DIS3L2: variants seen among roughly 807,000 people sequenced by gnomAD.
DIS3L2 encodes the protein DIS3 like 3'-5' exoribonuclease 2.
A neutral mutation model predicts 97.5 loss-of-function variants in DIS3L2; 34 were observed. The ratio of observed to expected loss-of-function variants is 0.35; its 90% CI spans 0.27 to 0.46. DIS3L2 has a LOEUF of 0.46. DIS3L2 is among the 20% of genes least tolerant of loss of function. DIS3L2 has a pLI of 1.00. For synonymous variants in DIS3L2, 435 were observed against 445.2 expected (o/e 0.98, Z 0.29); for missense variants, 1,038 against 1,146.0 (o/e 0.91, Z 1.36).
At position 231,976,798 on chromosome 2, in the gene DIS3L2, C is replaced by T. The variant is rs539807417; in HGVS notation, c.-94+15033C>T. On this transcript the variant is annotated intron_variant, in intron 1 of 20. Transcript: ENST00000325385. ...TTTTTTTTTTTTTGAGACAGAGTCT[C>T]GCTCTGTTGCCCAGGCTGGAGTACA... Among the ~76,000 whole-genome samples, 11 of 136,596 alleles carry T rather than the reference C, an allele frequency of 8.1e-5. No homozygotes were observed. The East Asian group carries it at 8.7e-4, about 11-fold the overall frequency. 89.6% of individuals were successfully genotyped at this position (136,596 alleles called of 152,430 possible).
intron 5 of DIS3L2, among the ~76,000 whole-genome samples, chr2:232,045,585 A>G (rs1695217508): frequency 6.6e-6 from 1 of 151,314 alleles, no homozygotes; most frequent in African/African-American, 2.4e-5. Flanking sequence ...TGGGCCTACC[A>G]CTGTGTGAAG....
Position 231,989,759 on chromosome 2 carries a change from C to T in DIS3L2, c.-93-25076C>T, listed in dbSNP as rs181422136. On this transcript the variant is annotated intron_variant, in intron 1 of 20. Coordinates refer to ENST00000325385, the MANE Select transcript of DIS3L2 (RefSeq NM_152383.5). ...CTGAAGTGGGAGGATTACTTGAGCC[C>T]GGGAGGTTGAGGCTACAGTGAGCTG... Among the ~76,000 whole-genome samples, 35 of 152,166 alleles carry T rather than the reference C, an allele frequency of 2.3e-4. 1 individual carries two copies. In the East Asian group the frequency reaches 3.3e-3, roughly 14 times the overall value.
At chr2:232,338,757 G>T (rs1266899993), downstream of DIS3L2, among the ~76,000 whole-genome samples, 2 of 152,260 alleles carry the variant, frequency 1.3e-5, no homozygotes, top group African/African-American at 2.4e-5. Context: ...GCATTCACAG[G>T]ATGGCTCTCC....
At chr2:232,111,544 G>C (rs777896174) in intron 6 of DIS3L2, among the ~76,000 whole-genome samples, 3 of 152,118 alleles carry the variant, frequency 2.0e-5, no homozygotes, top group Non-Finnish European at 4.4e-5. Context: ...CTGTAGCAAT[G>C]GAAATGTTCT....
intron 13 of DIS3L2, among the ~76,000 whole-genome samples, chr2:232,297,083 G>A (rs1694742366): frequency 6.6e-6 from 1 of 152,140 alleles, no homozygotes; most frequent in African/African-American, 2.4e-5. Flanking sequence ...TCCAAGTCTT[G>A]TCTCTTAGCT....
At chr2:231,999,592 A>T (rs909895183) in intron 1 of DIS3L2, among the ~76,000 whole-genome samples, 1 of 152,086 alleles carries the variant, frequency 6.6e-6, no homozygotes, top group African/African-American at 2.4e-5. Flanking sequence ...GTATTTACTT[A>T]TTTGTTCCAT....
intron 6 of DIS3L2, among the ~76,000 whole-genome samples, chr2:232,113,701 C>A (rs192434993): frequency 5.6e-4 from 85 of 152,344 alleles, no homozygotes; most frequent in Middle Eastern, 3.4e-3. Flanking sequence ...CCTCTAACCT[C>A]CAAGCTATCC....
intron 13 of DIS3L2, among the ~76,000 whole-genome samples, chr2:232,289,266 A>C (rs1472116332): frequency 6.8e-6 from 1 of 146,632 alleles, no homozygotes; most frequent in Non-Finnish European, 1.5e-5. Context: ...TTTTTTGGAG[A>C]CTTGTCCAGG....
intron 5 of DIS3L2, among the ~76,000 whole-genome samples, chr2:232,035,573 G>T (rs936621761): frequency 1.3e-5 from 2 of 152,186 alleles, no homozygotes; most frequent in Non-Finnish European, 2.9e-5. Context: ...CCCATTAGTT[G>T]ATGCAGTTTC....
chr2:232,051,811 C>CAAAAAAAA (rs58851349), intron 5 of DIS3L2, among the ~76,000 whole-genome samples: 6 of 37,064 alleles, frequency 1.6e-4, no homozygotes, highest in Admixed American at 9.3e-4. Flanking sequence ...GACTCCGTCT[C>CAAAAAAAA]AAAAAAAAAA....
intron 6 of DIS3L2, among the ~76,000 whole-genome samples, chr2:232,097,787 T>A (rs1194299165): frequency 6.6e-6 from 1 of 152,186 alleles, no homozygotes; most frequent in African/African-American, 2.4e-5. Context: ...AAGTCTTCCT[T>A]TCTTTTTTCT....
chr2:231,964,867 T>G (rs1692668674), intron 1 of DIS3L2, among the ~76,000 whole-genome samples: 1 of 152,196 alleles, frequency 6.6e-6, no homozygotes, highest in Admixed American at 6.5e-5. Flanking sequence ...GGTGGAGAAA[T>G]CATTTCTGGA....
intron 1 of DIS3L2, among the ~76,000 whole-genome samples, chr2:231,991,827 G>A (rs568291878): frequency 1.3e-4 from 20 of 152,224 alleles, no homozygotes; most frequent in African/African-American, 4.6e-4. Flanking sequence ...AGTACACAGG[G>A]CATCTCTTTT....
intron 1 of DIS3L2, among the ~76,000 whole-genome samples, chr2:231,990,923 T>C (rs1396182756): frequency 6.6e-6 from 1 of 152,162 alleles, no homozygotes; most frequent in East Asian, 1.9e-4. Context: ...TATGAATTTA[T>C]AAGAGAATTT....
chr2:232,191,503 C>T (rs1464794042), intron 9 of DIS3L2, among the ~76,000 whole-genome samples: 1 of 152,170 alleles, frequency 6.6e-6, no homozygotes, highest in East Asian at 1.9e-4. Context: ...AGAAAGTAAT[C>T]CTTAAAAAAT....
At chr2:232,043,330 C>G (rs936279755) in intron 5 of DIS3L2, among the ~76,000 whole-genome samples, 3 of 152,180 alleles carry the variant, frequency 2.0e-5, no homozygotes, top group African/African-American at 7.2e-5. Context: ...GGAGTCACTT[C>G]TGCTCATAGC....
intron 5 of DIS3L2, among the ~76,000 whole-genome samples, chr2:232,074,686 A>G (rs1045613181): frequency 2.0e-5 from 3 of 150,780 alleles, no homozygotes; most frequent in African/African-American, 7.3e-5. Flanking sequence ...CTGGGTCCCA[A>G]TGATCCTTCC....
chr2:232,208,269 T>C (rs1203265133), intron 9 of DIS3L2, among the ~76,000 whole-genome samples: 1 of 151,920 alleles, frequency 6.6e-6, no homozygotes, highest in African/African-American at 2.4e-5. Flanking sequence ...CCTCTCCTCT[T>C]CTTCTCCTCT....
intron 14 of DIS3L2, among the ~76,000 whole-genome samples, chr2:232,310,318 A>G (rs1201465050): frequency 1.3e-5 from 2 of 152,204 alleles, no homozygotes; most frequent in Non-Finnish European, 2.9e-5. Flanking sequence ...GCAAGCCTGC[A>G]GCTGTATTGT....
Sources: allele counts gnomAD v4.1 joint callset (sites outside exome capture counted in the v4.1 genomes callset), GRCh38; gene constraint gnomAD v4.1.1; transcripts MANE v1.5; gene names NCBI Gene and HGNC (gene_info 2026-07-23, HGNC 2026-07-21).